Variants in PCDHGA8 observed in about 807,000 individuals in gnomAD.
PCDHGA8 encodes protocadherin gamma-A8.
A neutral mutation model predicts 59.2 loss-of-function variants in PCDHGA8; 45 were observed. The observed-to-expected ratio is 0.76, with a 90% CI of 0.60 to 0.98. The LOEUF (loss-of-function observed/expected upper bound fraction) is 0.98. Among genes scored for constraint, PCDHGA8 ranks in the 50% least tolerant of loss-of-function variants. PCDHGA8 has a pLI of 0.00. For missense variants in PCDHGA8, 1,257 were observed against 1,196.2 expected, an observed-to-expected ratio of 1.05 and a Z score of -0.75; for synonymous variants, 531 against 519.0, an observed-to-expected ratio of 1.02 and a Z score of -0.32.
chr5:141,466,581 T>C (rs1426600962), intron 1 of PCDHGA8, among the ~76,000 whole-genome samples: 2 of 152,198 alleles, frequency 1.3e-5, no homozygotes, highest in Non-Finnish European at 2.9e-5. Flanking sequence ...GTCTCATCCC[T>C]TCTTAAAACA....
At position 141,490,054 on chromosome 5, in the gene PCDHGA8, G is replaced by A. The variant is rs2099695440; in HGVS notation, c.2425-4753G>A. The A allele has an allele frequency of 6.2e-7, 1 of 1,614,104 alleles. No individual in the cohort carries two copies. The highest frequency in any genetic ancestry group is 1.3e-5 in the African/African-American group (1 of 74,944). ...CCTCAATGCCACTGATCCAGACGAG[G>A]GCACCAACGGCCAACTAGACTATTC... On this transcript the variant is annotated intron_variant, in intron 1 of 3. Transcript: ENST00000398604. This position sits in a 1 kb window ranked among gnomAD's most constrained non-coding sequence, Gnocchi z 5.4.
chr5:141,483,099 C>T (rs10068400), intron 1 of PCDHGA8, among the ~76,000 whole-genome samples: 3,098 of 152,014 alleles, frequency 0.02, 87 homozygotes, highest in African/African-American at 0.065. Flanking sequence ...AAAAAGTGTG[C>T]GTGTAAAACA....
Position 141,490,931 on chromosome 5 carries a change from T to C in PCDHGA8, c.2425-3876T>C. 1 of 1,613,780 alleles carries C rather than the reference T, an allele frequency of 6.2e-7. No individual in the cohort carries two copies. Among genetic ancestry groups the C allele is most frequent in the East Asian group, 2.2e-5 (1 of 44,872 alleles). ...GACGAGAATGATAATGCCCCAGCTG[T>C]GCTGCACCCACGGCCAGACTGGGAA... On this transcript the variant is annotated intron_variant, in intron 1 of 3. Transcript: ENST00000398604. This position sits in a 1 kb window ranked among gnomAD's most constrained non-coding sequence, Gnocchi z 5.4.
Position 141,511,995 on chromosome 5 carries a change from A to G in PCDHGA8, c.*822A>G, listed in dbSNP as rs1049905198. The G allele has an allele frequency of 1.3e-5, 2 of 153,074 alleles. No homozygotes were observed. The highest frequency in any genetic ancestry group is 4.8e-5 in the African/African-American group (2 of 41,464). The allele number at this position is 153,074 out of a possible 1,614,324, so 9.5% of individuals were successfully genotyped here. On this transcript the variant is annotated 3_prime_UTR_variant, in exon 4 of 4. Transcript: ENST00000398604. The stretch of plus-strand genomic sequence containing the variant: ...GGATGTGGATGGTGGGGGCATGGAC[A>G]AAGCTTGACACATCAAGTTATCAAG...
rs1231591874 is a variant in PCDHGA8 at position 141,431,615 on chromosome 5, G to T, written c.2424+36378G>T. The T allele has an allele frequency of 3.1e-6, 5 of 1,614,118 alleles. No homozygotes were observed. Among genetic ancestry groups the T allele is most frequent in the African/African-American group, 2.7e-5 (2 of 74,950 alleles). On this transcript the variant is annotated intron_variant, in intron 1 of 3. Transcript: ENST00000398604. The surrounding 1 kb of genome is among the most constrained non-coding windows in gnomAD (Gnocchi z 4.8). Reference sequence around the variant, plus strand: ...GAGGTATTCCTTCCGGTATGTGGACGACAAGGCGGCCCAAGTTTTCAAACT... The same window carrying T: ...GAGGTATTCCTTCCGGTATGTGGACTACAAGGCGGCCCAAGTTTTCAAACT...
At chr5:141,417,718 G>T in intron 1 of PCDHGA8, 1 of 1,304,720 alleles carries the variant, frequency 7.7e-7, no homozygotes. Context: ...GCTCCCGGCT[G>T]CGCAGACCTT....
intron 1 of PCDHGA8, chr5:141,404,696 G>T: frequency 6.2e-7 from 1 of 1,614,104 alleles, no homozygotes; most frequent in South Asian, 1.1e-5. Flanking sequence ...ACCCCGCTCT[G>T]CAGAGCCTGG....
At chr5:141,496,289 G>A (rs1347634489) in intron 2 of PCDHGA8, among the ~76,000 whole-genome samples, 3 of 152,224 alleles carry the variant, frequency 2.0e-5, no homozygotes, top group Non-Finnish European at 4.4e-5. Flanking sequence ...GGTCTGAGCA[G>A]AGTGGGATAG....
chr5:141,406,331 C>T lies in PCDHGA8; in HGVS notation c.2424+11094C>T, dbSNP rs577134835. 6.6e-5 allele frequency among the ~76,000 whole-genome samples: 10 copies of T among 152,002 alleles called. No homozygotes were observed. In the East Asian group the frequency reaches 1.3e-3, roughly 21 times the overall value. ...CTCACCCAGCAAATTCTTACTCCTA[C>T]GATCATTTATTCAGGTCATACTATG... On this transcript the variant is annotated intron_variant, in intron 1 of 3. Coordinates refer to ENST00000398604, the MANE Select transcript of PCDHGA8 (RefSeq NM_032088.2).
Position 141,438,011 on chromosome 5 carries a change from G to T in PCDHGA8, c.2424+42774G>T, listed in dbSNP as rs189978786. On this transcript the variant is annotated intron_variant, in intron 1 of 3. Coordinates refer to ENST00000398604, the MANE Select transcript of PCDHGA8 (RefSeq NM_032088.2). ...CCACCTCAGCCTCCCAAATAGCTGAGATTACAGGTGTGAGCCACCATGCCC... is the reference window on the plus strand; with the variant it reads ...CCACCTCAGCCTCCCAAATAGCTGATATTACAGGTGTGAGCCACCATGCCC... 2.8e-3 allele frequency among the ~76,000 whole-genome samples: 432 copies of T among 152,220 alleles called. 1 individual carries two copies. The highest frequency in any genetic ancestry group is 0.021 in the Admixed American group (318 of 15,288).
intron 1 of PCDHGA8, chr5:141,423,971 G>T: frequency 8.8e-7 from 1 of 1,136,014 alleles, no homozygotes; most frequent in Non-Finnish European, 1.1e-6. Context: ...TCTATTATCA[G>T]TGTATGAGGC....
intron 1 of PCDHGA8, chr5:141,478,553 T>G (rs1593930915): frequency 6.2e-7 from 1 of 1,602,704 alleles, no homozygotes; most frequent in Non-Finnish European, 8.5e-7. Context: ...ACAGGTAAGG[T>G]TTAGCAAGTC....
Position 141,511,843 on chromosome 5 carries a change from GT to G in PCDHGA8, c.*674del, listed in dbSNP as rs1413398495. On this transcript the variant is annotated 3_prime_UTR_variant, in exon 4 of 4. Coordinates refer to ENST00000398604, the MANE Select transcript of PCDHGA8 (RefSeq NM_032088.2). ...CCAACGCCCTGGGGACCAGTCTTCT[GT>G]TTTGTTTTTCATTGTTTGACGTTTC... 1 of 156,550 alleles carries G rather than the reference GT, an allele frequency of 6.4e-6. No individual in the cohort carries two copies. The highest frequency in any genetic ancestry group is 2.4e-5 in the African/African-American group (1 of 41,452). The allele number at this position is 156,550 out of a possible 1,614,324, so 9.7% of individuals were successfully genotyped here. A position where few individuals can be genotyped will look rare whatever the true frequency, so the allele number is the denominator to read the frequency against.
At position 141,450,006 on chromosome 5, in the gene PCDHGA8, C is replaced by CTTTTT. The variant is rs1554136305; in HGVS notation, c.2425-44787_2425-44783dup. ...CACATTGCATTTAGTTGCCATGTCTCTTTTTTTTTTTTTTTTTTGAGACAG... is the reference window on the plus strand; with the variant it reads ...CACATTGCATTTAGTTGCCATGTCTCTTTTTTTTTTTTTTTTTTTTTTTGAGACAG... On this transcript the variant is annotated intron_variant, in intron 1 of 3. Transcript: ENST00000398604. Among the ~76,000 whole-genome samples the CTTTTT allele has an allele frequency of 3.4e-4, 45 of 132,908 alleles. 3 individuals carry two copies. Among genetic ancestry groups the CTTTTT allele is most frequent in the South Asian group, 7.1e-4 (3 of 4,236 alleles). 87.2% of individuals were successfully genotyped at this position (132,908 alleles called of 152,430 possible).
chr5:141,421,513 C>G lies in PCDHGA8; in HGVS notation c.2424+26276C>G, dbSNP rs368199651. ...GGCAGGCAGGATAGACCGGGAGGAG[C>G]TCTGTGAGACGGTGTCCTCCTGTTT... On this transcript the variant is annotated intron_variant, in intron 1 of 3. Coordinates refer to ENST00000398604, the MANE Select transcript of PCDHGA8 (RefSeq NM_032088.2). 61 of 1,614,078 alleles carry G rather than the reference C, an allele frequency of 3.8e-5. No individual in the cohort carries two copies. The African/African-American group carries it at 7.5e-4, about 20-fold the overall frequency.
intron 1 of PCDHGA8, chr5:141,424,621 T>C (rs560809778): frequency 6.6e-6 from 1 of 152,346 alleles, no homozygotes; most frequent in Non-Finnish European, 1.5e-5. Context: ...TAGAGTAGTT[T>C]GTGAATATAT....
chr5:141,414,850 C>T, intron 1 of PCDHGA8: 1 of 1,614,212 alleles, frequency 6.2e-7, no homozygotes, highest in Non-Finnish European at 8.5e-7. Flanking sequence ...TGTGCTGGAC[C>T]AGAACGACAA....
intron 1 of PCDHGA8, chr5:141,478,401 T>G: frequency 6.2e-7 from 1 of 1,613,480 alleles, no homozygotes; most frequent in South Asian, 1.1e-5. Context: ...CAGGTGTATC[T>G]CACCACGGAC....
chr5:141,474,505 A>G (rs2099350724), intron 1 of PCDHGA8, among the ~76,000 whole-genome samples: 2 of 152,248 alleles, frequency 1.3e-5, no homozygotes, highest in Admixed American at 6.5e-5. Context: ...AATGCCTATC[A>G]GCCCTCTTGC....
Sources: allele counts gnomAD v4.1 joint callset (sites outside exome capture counted in the v4.1 genomes callset), GRCh38; gene constraint gnomAD v4.1.1; non-coding constraint Gnocchi (gnomAD v3.1); transcripts MANE v1.5; gene names NCBI Gene and HGNC (gene_info 2026-07-23, HGNC 2026-07-21).